The following TMEM135 variants were observed in gnomAD, a reference collection of about 807,000 sequenced individuals.
TMEM135 encodes transmembrane protein 135.
In TMEM135, 30 loss-of-function variants were observed where a neutral mutation model predicts 60.3. The observed-to-expected ratio is 0.50, with a 90% confidence interval of 0.37 to 0.68. The LOEUF (loss-of-function observed/expected upper bound fraction) is 0.68. Among genes scored for constraint, TMEM135 ranks in the 30% least tolerant of loss-of-function variants. The pLI is 0.00. For missense variants in TMEM135, 468 were observed against 548.8 expected, an observed-to-expected ratio of 0.85 and a Z score of 1.47; for synonymous variants, 190 against 186.7, an observed-to-expected ratio of 1.02 and a Z score of -0.14.
At chr11:87,044,539 T>G (rs1277529270) in intron 1 of TMEM135, among the ~76,000 whole-genome samples, 1 of 152,156 alleles carries the variant, frequency 6.6e-6, no homozygotes, top group Non-Finnish European at 1.5e-5. Context: ...TGATTTTTGC[T>G]TGAGACCTAA....
At chr11:87,071,770 T>C (rs1450172276) in intron 3 of TMEM135, among the ~76,000 whole-genome samples, 155 bp downstream of exon 3, 1 of 151,994 alleles carries the variant, frequency 6.6e-6, no homozygotes, top group East Asian at 1.9e-4. Flanking sequence ...TAATTTTATA[T>C]TAATGTTTAT....
chr11:87,294,981 A>G (rs1325565959), intron 6 of TMEM135, among the ~76,000 whole-genome samples: 2 of 152,160 alleles, frequency 1.3e-5, no homozygotes, highest in African/African-American at 4.8e-5. Flanking sequence ...AGAAAAATAC[A>G]TAACTTTTAA....
chr11:87,160,178 T>A (rs986418221), intron 5 of TMEM135, among the ~76,000 whole-genome samples: 4 of 152,234 alleles, frequency 2.6e-5, no homozygotes, highest in Non-Finnish European at 5.9e-5. Flanking sequence ...AAACTTTGCA[T>A]GTGTTTCCTC....
chr11:87,065,734 A>G (rs1405748722), intron 1 of TMEM135, among the ~76,000 whole-genome samples: 3 of 152,202 alleles, frequency 2.0e-5, no homozygotes, highest in African/African-American at 7.2e-5. Context: ...CTAAGAATGC[A>G]TTGTCTAGCC....
At chr11:87,289,519 C>T (rs919206076) in intron 6 of TMEM135, among the ~76,000 whole-genome samples, 31 of 130,468 alleles carry the variant, frequency 2.4e-4, no homozygotes, top group Non-Finnish European at 1.5e-4. Context: ...TGCAGTGGTG[C>T]GATCTCAGCT....
intron 4 of TMEM135, among the ~76,000 whole-genome samples, chr11:87,111,324 T>C (rs1857739585): frequency 6.6e-6 from 1 of 152,108 alleles, no homozygotes; most frequent in Non-Finnish European, 1.5e-5. Flanking sequence ...AGCTCTTCCA[T>C]GTCTGAGATT....
chr11:87,296,598 T>C (rs1942351761), intron 7 of TMEM135, among the ~76,000 whole-genome samples: 1 of 152,168 alleles, frequency 6.6e-6, no homozygotes, highest in African/African-American at 2.4e-5. Flanking sequence ...TAGGGAAAGC[T>C]TCAGTACTAG....
intron 12 of TMEM135, among the ~76,000 whole-genome samples, chr11:87,317,562 T>C (rs962892947): frequency 1.3e-5 from 2 of 152,128 alleles, no homozygotes; most frequent in African/African-American, 4.8e-5. Flanking sequence ...TGGTAGCTTA[T>C]ATAGATCTTG....
At chr11:87,313,552 A>G in intron 11 of TMEM135, 64 bp downstream of exon 11, 4 of 1,293,572 alleles carry the variant, frequency 3.1e-6, no homozygotes, top group East Asian at 2.3e-5. Flanking sequence ...TGAATTGGAA[A>G]TACCATCCAA....
rs1212671536 is a variant in TMEM135 at position 87,325,533 on chromosome 11, G to A, written c.*4200G>A. 4 of 453,422 alleles carry A rather than the reference G, an allele frequency of 8.8e-6. No individual in the cohort carries two copies. Among genetic ancestry groups the A allele is most frequent in the Non-Finnish European group, 1.8e-5 (4 of 226,622 alleles). 28.1% of individuals were successfully genotyped at this position (453,422 alleles called of 1,614,324 possible). On this transcript the variant is annotated 3_prime_UTR_variant, in exon 15 of 15. Coordinates refer to ENST00000305494, the MANE Select transcript of TMEM135 (RefSeq NM_022918.4). ...CTCTCTCTCTCTGTCTGTCTCTCTTGCTGCTCCCTCTCCCTGCCACCTTGT... is the reference window on the plus strand; with the variant it reads ...CTCTCTCTCTCTGTCTGTCTCTCTTACTGCTCCCTCTCCCTGCCACCTTGT...
intron 1 of TMEM135, among the ~76,000 whole-genome samples, chr11:87,057,850 C>T (rs1281836370): frequency 6.6e-6 from 1 of 151,558 alleles, no homozygotes; most frequent in Non-Finnish European, 1.5e-5. Context: ...AATTGGCTCA[C>T]AATTTTGGAG....
intron 8 of TMEM135, among the ~76,000 whole-genome samples, chr11:87,304,359 GAC>G (rs1942499655): frequency 6.6e-6 from 1 of 152,080 alleles, no homozygotes; most frequent in Non-Finnish European, 1.5e-5. Flanking sequence ...CAGCTTGGGT[GAC>G]AGAGTGACAC....
At chr11:87,129,544 A>ATTTTTT (rs371919827) in intron 4 of TMEM135, among the ~76,000 whole-genome samples, 2,473 of 125,616 alleles carry the variant, frequency 0.02, 65 homozygotes, top group Non-Finnish European at 0.026. Context: ...TGCTTGGCCA[A>ATTTTTT]TTTTTTTTTT....
rs1590874123 is a variant in TMEM135, at chr11:87,324,848, A to T, written c.*3515A>T. The T allele has an allele frequency of 2.2e-6, 1 of 453,902 alleles. No individual in the cohort carries two copies. Among genetic ancestry groups the T allele is most frequent in the South Asian group, 1.6e-5 (1 of 64,458 alleles). The allele number at this position is 453,902 out of a possible 1,614,324, so 28.1% of individuals were successfully genotyped here. On this transcript the variant is annotated 3_prime_UTR_variant, in exon 15 of 15. Transcript: ENST00000305494. ...ATATCTTATAAACATTCTCTCTCCT[A>T]ACACCTCCTTCTAGTAATCATTTTC... is the stretch of plus-strand genomic sequence containing the variant.
At chr11:87,157,273 G>T (rs1272134674) in intron 4 of TMEM135, 68 bp from the exon 5 acceptor site, 1 of 1,377,308 alleles carries the variant, frequency 7.3e-7, no homozygotes, top group African/African-American at 1.4e-5. Context: ...CATTTAGGGT[G>T]TGGGATATAC....
chr11:87,169,203 G>T (rs766251193), intron 5 of TMEM135, among the ~76,000 whole-genome samples: 2 of 149,052 alleles, frequency 1.3e-5, no homozygotes, highest in South Asian at 4.3e-4. Flanking sequence ...GTCTTTGCAC[G>T]TGAGATGGGA....
chr11:87,055,392 C>T (rs963230027), intron 1 of TMEM135, among the ~76,000 whole-genome samples: 7 of 152,194 alleles, frequency 4.6e-5, no homozygotes. Context: ...AAGTTAACTG[C>T]CTACAAACAC....
In TMEM135 at chr11:87,183,789, C is replaced by T. The variant is rs577073664; in HGVS notation, c.462+26383C>T. 3.3e-5 allele frequency among the ~76,000 whole-genome samples: 5 copies of T among 151,880 alleles called. No individual in the cohort carries two copies. In the East Asian group the frequency reaches 9.8e-4, roughly 30 times the overall value. Reference sequence around the variant, plus strand: ...TGGCTAACACGGTAAAACGCCATCTCTACTAAAAATACAAAAATTAGCTGG... The same window carrying T: ...TGGCTAACACGGTAAAACGCCATCTTTACTAAAAATACAAAAATTAGCTGG... On this transcript the variant is annotated intron_variant, in intron 5 of 14. Transcript: ENST00000305494.
At chr11:87,223,853 G>A (rs1432108636) in intron 5 of TMEM135, among the ~76,000 whole-genome samples, 16 of 151,480 alleles carry the variant, frequency 1.1e-4, no homozygotes, top group Admixed American at 1.1e-3. Context: ...GTCTAAAAAA[G>A]AAAGAAAGAA....
Sources: allele counts gnomAD v4.1 joint callset (sites outside exome capture counted in the v4.1 genomes callset), GRCh38; gene constraint gnomAD v4.1.1; transcripts MANE v1.5; gene names NCBI Gene and HGNC (gene_info 2026-07-23, HGNC 2026-07-21).